OSBPL6: variants seen among roughly 807,000 people sequenced by gnomAD.
The protein encoded by OSBPL6 is oxysterol binding protein like 6, also known as oxysterol-binding protein-related protein 6.
OSBPL6 carries 49 observed loss-of-function variants against 125.8 expected under a neutral mutation model. The observed-to-expected ratio is 0.39, with a 90% CI of 0.31 to 0.49. OSBPL6 has a LOEUF of 0.49. Among genes scored for constraint, OSBPL6 ranks in the 20% least tolerant of loss-of-function variants. The probability of loss-of-function intolerance (pLI) is 0.88; values close to 1 mark genes in which losing one functional copy is unlikely to be tolerated. For synonymous variants in OSBPL6, 394 were observed against 391.8 expected, an observed-to-expected ratio of 1.01 and a Z score of -0.07; for missense variants, 986 against 1,135.4, an observed-to-expected ratio of 0.87 and a Z score of 1.89.
intron 1 of OSBPL6, among the ~76,000 whole-genome samples, chr2:178,243,353 A>C (rs537528659): frequency 1.3e-5 from 2 of 151,746 alleles, no homozygotes; most frequent in African/African-American, 4.9e-5. Context: ...GAAGTCTCAA[A>C]GGCATCTTTA....
Position 178,361,684 on chromosome 2 carries a change from C to T in OSBPL6, c.1156C>T (p.His386Tyr). Residue 386 changes from histidine to tyrosine, a missense_variant and splice_region_variant, in exon 13 of 25, where the codon CAT becomes TAT. Around this residue, in one of 3 missense-constraint regions of OSBPL6, gnomAD observed 843 missense variants for 997.3 expected, o/e 0.85. Transcript: ENST00000190611. The stretch of plus-strand genomic sequence containing the variant: ...TTCTCACTTTTCTCCCCACCCAGTG[C>T]ATTCTCTTTTGAAGTCTGCATTTAA... ...EEFCLIAQKV[H>Y]SLLKSAFNSI... 6.2e-7 allele frequency: 1 copy of T among 1,613,828 alleles called. No homozygotes were observed. The highest frequency in any genetic ancestry group is 8.5e-7 in the Non-Finnish European group (1 of 1,179,810).
Position 178,361,772 on chromosome 2 carries a change from G to T in OSBPL6, c.1244G>T (p.Gly415Val). The change falls in exon 13 of 25, where the codon GGC (glycine) becomes GTC (valine). Residue 415 changes from glycine to valine, a missense_variant. Gly to Val is a moderately radical substitution (Grantham distance 109). Coordinates refer to ENST00000190611, the MANE Select transcript of OSBPL6 (RefSeq NM_032523.4). ...QMVSEQDHSK[G>V]HSTQMARLRQ... ...GTTTCCGAGCAGGATCACAGTAAAG[G>T]CCACAGCACGCAGATGGCACGGCTC... The T allele has an allele frequency of 2.5e-6, 4 of 1,614,136 alleles. No individual in the cohort carries two copies. The highest frequency in any genetic ancestry group is 3.4e-6 in the Non-Finnish European group (4 of 1,180,002).
rs142960000 is a variant in OSBPL6, at chr2:178,389,616, C to G, written c.2301+463C>G. Among the ~76,000 whole-genome samples the G allele has an allele frequency of 7.7e-4, 117 of 152,312 alleles. 2 individuals are homozygous for G. Among genetic ancestry groups the G allele is most frequent in the African/African-American group, 2.6e-3 (110 of 41,582 alleles). On this transcript the variant is annotated intron_variant, in intron 21 of 24. Transcript: ENST00000190611. ...CCAGTCAGTACATGCTTATCCAACC[C>G]TGCCACTGTTATAATTCAAATAAGT...
chr2:178,357,943 A>G (rs768316367), intron 12 of OSBPL6, among the ~76,000 whole-genome samples: 1 of 152,232 alleles, frequency 6.6e-6, no homozygotes, highest in Non-Finnish European at 1.5e-5. Flanking sequence ...AGGGACATGG[A>G]TGAAGCTGGA....
At chr2:178,313,697 C>G (rs1158173107) in intron 3 of OSBPL6, among the ~76,000 whole-genome samples, 1 of 152,196 alleles carries the variant, frequency 6.6e-6, no homozygotes, top group African/African-American at 2.4e-5. Context: ...CTTTTAACAA[C>G]TATATATTTC....
intron 1 of OSBPL6, among the ~76,000 whole-genome samples, chr2:178,241,770 G>A (rs554401683): frequency 6.6e-6 from 1 of 152,180 alleles, no homozygotes; most frequent in African/African-American, 2.4e-5. Context: ...AATTGCCTTG[G>A]ACAACAGTGA....
chr2:178,220,238 C>A (rs1226225972), intron 1 of OSBPL6, among the ~76,000 whole-genome samples: 1 of 152,084 alleles, frequency 6.6e-6, no homozygotes, highest in Non-Finnish European at 1.5e-5. Context: ...GAAGTATATC[C>A]TCCACCCCCA....
At chr2:178,361,520 A>ATCCT (rs1574969644) in intron 12 of OSBPL6, among the ~76,000 whole-genome samples, 162 bp from the exon 13 acceptor site, 9 of 152,246 alleles carry the variant, frequency 5.9e-5, no homozygotes, top group Admixed American at 5.2e-4. Flanking sequence ...GAGTATAGAT[A>ATCCT]TCCTGATAAA....
chr2:178,344,699 G>A (rs1264294212), intron 11 of OSBPL6, among the ~76,000 whole-genome samples: 1 of 151,864 alleles, frequency 6.6e-6, no homozygotes, highest in African/African-American at 2.4e-5. Context: ...ACTGATATTG[G>A]AACTTTTGCT....
intron 18 of OSBPL6, 126 bp from the exon 19 acceptor site, chr2:178,385,332 G>C (rs1221754656): frequency 1.5e-6 from 1 of 651,128 alleles, no homozygotes; most frequent in African/African-American, 1.8e-5. Flanking sequence ...TAAGTTCTCA[G>C]TGTTTTTAAA....
At chr2:178,299,290 A>G (rs1450132589) in intron 2 of OSBPL6, among the ~76,000 whole-genome samples, 1 of 152,158 alleles carries the variant, frequency 6.6e-6, no homozygotes, top group African/African-American at 2.4e-5. Flanking sequence ...TGCACTGAAT[A>G]ATATTCTTAC....
intron 1 of OSBPL6, among the ~76,000 whole-genome samples, chr2:178,215,106 A>G (rs1415772587): frequency 6.6e-6 from 1 of 152,002 alleles, no homozygotes; most frequent in Non-Finnish European, 1.5e-5. Flanking sequence ...TTTAAAAAAA[A>G]AAAAAAGAAA....
At chr2:178,294,714 C>CT (rs1269753267) in intron 2 of OSBPL6, among the ~76,000 whole-genome samples, 54 of 118,998 alleles carry the variant, frequency 4.5e-4, no homozygotes, top group Admixed American at 7.9e-4. Context: ...GCCACCACAG[C>CT]TATTTTTTTT....
At position 178,397,073 on chromosome 2, in the gene OSBPL6, T is replaced by C. The variant is rs1268255850; in HGVS notation, c.*1514T>C. ...AACTCTGATACAGTTACAGACACTT[T>C]ACATTTTATTATGAGGTGTTGATTT... is the stretch of plus-strand genomic sequence containing the variant. On this transcript the variant is annotated 3_prime_UTR_variant, in exon 25 of 25. Coordinates refer to ENST00000190611, the MANE Select transcript of OSBPL6 (RefSeq NM_032523.4). 1 of 152,250 alleles carries C rather than the reference T, an allele frequency of 6.6e-6. No homozygotes were observed. The highest frequency in any genetic ancestry group is 1.5e-5 in the Non-Finnish European group (1 of 68,048). 9.4% of individuals were successfully genotyped at this position (152,250 alleles called of 1,614,324 possible). A position where few individuals can be genotyped will look rare whatever the true frequency, so the allele number is the denominator to read the frequency against.
chr2:178,215,629 G>A (rs181663984), intron 1 of OSBPL6, among the ~76,000 whole-genome samples: 16 of 152,180 alleles, frequency 1.1e-4, no homozygotes, highest in Admixed American at 4.6e-4. Flanking sequence ...GCCCTCTCTC[G>A]GGGAGTGTCG....
chr2:178,281,174 G>C (rs1326676953), intron 1 of OSBPL6, among the ~76,000 whole-genome samples: 1 of 152,000 alleles, frequency 6.6e-6, no homozygotes, highest in Non-Finnish European at 1.5e-5. Flanking sequence ...ACCACACCTG[G>C]CTAATTTTTG....
chr2:178,337,440 C>T (rs12618660), intron 9 of OSBPL6, among the ~76,000 whole-genome samples: 1 of 152,114 alleles, frequency 6.6e-6, no homozygotes. Context: ...CTGAGATACT[C>T]ACATCCCAGA....
intron 24 of OSBPL6, 30 bp downstream of exon 24, chr2:178,394,465 A>G (rs373159503): frequency 8.8e-6 from 14 of 1,581,966 alleles, no homozygotes; most frequent in Non-Finnish European, 1.2e-5. Flanking sequence ...TAGCAAGTTC[A>G]TGTTTTGCAA....
In OSBPL6 at chr2:178,401,841, C is replaced by T. The variant is rs547711432; in HGVS notation, c.*6282C>T. ...GGGACATTTTAAGGTAGATGGAGAA[C>T]TAAGGTGAGAGTGTGCCAGCTAAAT... On this transcript the variant is annotated 3_prime_UTR_variant, in exon 25 of 25. Transcript: ENST00000190611. 19 of 152,408 alleles carry T rather than the reference C, an allele frequency of 1.2e-4. No homozygotes were observed. Among genetic ancestry groups the T allele is most frequent in the African/African-American group, 4.6e-4 (19 of 41,562 alleles). The allele number at this position is 152,408 out of a possible 1,614,324, so 9.4% of individuals were successfully genotyped here.
Sources: gnomAD v4.1 joint callset for allele counts (sites outside exome capture counted in the v4.1 genomes callset) on GRCh38, gnomAD v4.1.1 for gene constraint, gnomAD v4.1.1 regional missense constraint, MANE v1.5 for transcripts, NCBI Gene and HGNC (gene_info 2026-07-23, HGNC 2026-07-21) for gene names.